Variants in MLLT10 observed in about 807,000 individuals in gnomAD.
MLLT10 encodes protein AF-10.
A neutral mutation model predicts 129.1 loss-of-function variants in MLLT10; 30 were observed. The ratio of observed to expected loss-of-function variants is 0.23; its 90% confidence interval spans 0.17 to 0.32. MLLT10 has a LOEUF of 0.32. Ranked by LOEUF, MLLT10 falls within the 10% of genes least tolerant of loss-of-function variation. The pLI is 1.00. For missense variants in MLLT10, 1,119 were observed against 1,268.3 expected, an observed-to-expected ratio of 0.88 and a Z score of 1.79; for synonymous variants, 490 against 446.4, an observed-to-expected ratio of 1.10 and a Z score of -1.23.
Position 21,743,621 on chromosome 10 carries a change from A to ATGTT in MLLT10, c.*1640_*1643dup, listed in dbSNP as rs1349467844. On this transcript the variant is annotated 3_prime_UTR_variant, in exon 23 of 23. Transcript: ENST00000307729. ...AATGTTTTGTTAATAAAATTTAATAATGTTTATAACTCCGTGCCATTCTCA... is the reference window on the plus strand; with the variant it reads ...AATGTTTTGTTAATAAAATTTAATAATGTTTGTTTATAACTCCGTGCCATTCTCA... The ATGTT allele has an allele frequency of 2.3e-5, 4 of 171,118 alleles. No individual in the cohort carries two copies. The highest frequency in any genetic ancestry group is 5.1e-5 in the Non-Finnish European group (4 of 78,772). The allele number at this position is 171,118 out of a possible 1,614,324, so 10.6% of individuals were successfully genotyped here.
At chr10:21,720,398 C>T (rs2057044666) in intron 14 of MLLT10, among the ~76,000 whole-genome samples, 1 of 152,160 alleles carries the variant, frequency 6.6e-6, no homozygotes, top group South Asian at 2.1e-4. Context: ...CGGTAGCTGA[C>T]ACAGAAATGG....
intron 8 of MLLT10, among the ~76,000 whole-genome samples, chr10:21,643,593 C>T (rs2048218765): frequency 6.6e-6 from 1 of 152,014 alleles, no homozygotes; most frequent in African/African-American, 2.4e-5. Flanking sequence ...TTCCTTTTGC[C>T]TTAATTTTTG....
At chr10:21,621,022 T>C (rs2045762938) in intron 8 of MLLT10, among the ~76,000 whole-genome samples, 1 of 151,928 alleles carries the variant, frequency 6.6e-6, no homozygotes, top group Non-Finnish European at 1.5e-5. Context: ...TCTTGCTCTG[T>C]TGCCTAGGCT....
chr10:21,600,115 T>C (rs1312386123), intron 5 of MLLT10, among the ~76,000 whole-genome samples: 1 of 152,160 alleles, frequency 6.6e-6, no homozygotes, highest in Non-Finnish European at 1.5e-5. Context: ...ATTGAATACT[T>C]GAGTTTGTTT....
chr10:21,692,626 C>T (rs1385241756), intron 13 of MLLT10, among the ~76,000 whole-genome samples: 1 of 151,896 alleles, frequency 6.6e-6, no homozygotes, highest in Non-Finnish European at 1.5e-5. Flanking sequence ...AATACAGGCA[C>T]ACACCATTAC....
intron 8 of MLLT10, among the ~76,000 whole-genome samples, chr10:21,617,883 C>A (rs996558015): frequency 2.0e-5 from 3 of 152,084 alleles, no homozygotes; most frequent in Non-Finnish European, 4.4e-5. Flanking sequence ...ATTAGCTGAG[C>A]ATGGTGGTGG....
chr10:21,657,523 G>C (rs2049733641), intron 9 of MLLT10, among the ~76,000 whole-genome samples: 1 of 151,010 alleles, frequency 6.6e-6, no homozygotes, highest in South Asian at 2.1e-4. Context: ...TTTTTAAATT[G>C]ACAAATTGAA....
At chr10:21,539,009 C>A in intron 3 of MLLT10, 97 bp downstream of exon 3, 2 of 763,080 alleles carry the variant, frequency 2.6e-6, no homozygotes, top group Non-Finnish European at 4.4e-6. Context: ...TCAGTCATTT[C>A]TTCAAATATC....
chr10:21,551,467 G>A (rs969890484), intron 3 of MLLT10, among the ~76,000 whole-genome samples: 3 of 151,010 alleles, frequency 2.0e-5, no homozygotes, highest in Non-Finnish European at 4.4e-5. Flanking sequence ...GCATAATATC[G>A]TAAGTTCCTA....
At chr10:21,623,320 A>G (rs769812484) in intron 8 of MLLT10, among the ~76,000 whole-genome samples, 12 of 152,186 alleles carry the variant, frequency 7.9e-5, no homozygotes, top group South Asian at 2.1e-4. Context: ...ATCAGCGTCT[A>G]TCCTCCAAGA....
intron 3 of MLLT10, among the ~76,000 whole-genome samples, chr10:21,571,117 G>T (rs955852272): frequency 6.6e-6 from 1 of 152,110 alleles, no homozygotes; most frequent in Non-Finnish European, 1.5e-5. Context: ...TCTACAATGT[G>T]ATATAAATTA....
At chr10:21,560,903 C>T (rs1424197034) in intron 3 of MLLT10, among the ~76,000 whole-genome samples, 3 of 152,086 alleles carry the variant, frequency 2.0e-5, no homozygotes, top group Non-Finnish European at 4.4e-5. Context: ...TGTTCAGGTC[C>T]TTTGCTCTTT....
rs569041093 is a variant in MLLT10, at chr10:21,587,774, T to C, written c.295+1426T>C. The stretch of plus-strand genomic sequence containing the variant: ...GGCTAGATATATATATTTTACAGTT[T>C]AATCTTCAGACTATGTTATACAGTC... On this transcript the variant is annotated intron_variant, in intron 4 of 22. Transcript: ENST00000307729. Among the ~76,000 whole-genome samples the C allele has an allele frequency of 2.5e-4, 38 of 152,336 alleles. 1 individual carries two copies. In the South Asian group the frequency reaches 7.5e-3, roughly 30 times the overall value.
At chr10:21,562,864 G>C (rs1479538203) in intron 3 of MLLT10, among the ~76,000 whole-genome samples, 1 of 126,778 alleles carries the variant, frequency 7.9e-6, no homozygotes, top group Non-Finnish European at 1.6e-5. Flanking sequence ...TTGTTGCCCA[G>C]GCTGGAGTGC....
chr10:21,732,289 T>G (rs539341542), intron 17 of MLLT10, among the ~76,000 whole-genome samples: 2 of 152,204 alleles, frequency 1.3e-5, no homozygotes, highest in African/African-American at 4.8e-5. Context: ...GGGGCCAGAC[T>G]GAAAGTCAGC....
intron 6 of MLLT10, among the ~76,000 whole-genome samples, chr10:21,614,204 C>T (rs1401479136): frequency 9.1e-6 from 1 of 109,432 alleles, no homozygotes; most frequent in Admixed American, 1.2e-4. Context: ...GGTGACAGAA[C>T]GAAACCCTGT....
chr10:21,631,317 A>T, intron 8 of MLLT10, among the ~76,000 whole-genome samples: 1 of 150,250 alleles, frequency 6.7e-6, no homozygotes, highest in Admixed American at 6.6e-5. Context: ...CCGTCTCAAA[A>T]AAAAAAAAAA....
At chr10:21,588,565 G>A (rs889248507) in intron 4 of MLLT10, among the ~76,000 whole-genome samples, 2 of 151,946 alleles carry the variant, frequency 1.3e-5, no homozygotes, top group African/African-American at 4.8e-5. Flanking sequence ...AGTCAAAGGA[G>A]TTTTGCCGTT....
chr10:21,703,939 C>G (rs1309950372), intron 13 of MLLT10, among the ~76,000 whole-genome samples: 1 of 148,660 alleles, frequency 6.7e-6, no homozygotes. Flanking sequence ...AGACTGGCTT[C>G]AAGTTGTGAA....
Sources: gnomAD v4.1 joint callset for allele counts (sites outside exome capture counted in the v4.1 genomes callset) on GRCh38, gnomAD v4.1.1 for gene constraint, MANE v1.5 for transcripts, NCBI Gene and HGNC (gene_info 2026-07-23, HGNC 2026-07-21) for gene names.